Variants in TEX22 observed in about 807,000 individuals in gnomAD.
The protein encoded by TEX22 is testis-expressed protein 22.
In TEX22, 16 loss-of-function variants were observed where a neutral mutation model predicts 11.3. The ratio of observed to expected loss-of-function variants is 1.42; its 90% CI spans 0.96 to 2.15. The LOEUF is 2.15. Ranked by LOEUF, TEX22 falls within the 30% of genes most tolerant of loss-of-function variation. The probability of loss-of-function intolerance (pLI) is 0.00; values close to 1 mark genes in which losing one functional copy is unlikely to be tolerated. For synonymous variants in TEX22, 97 were observed against 92.3 expected (o/e 1.05, Z -0.29); for missense variants, 220 against 208.6 (o/e 1.05, Z -0.34).
chr14:105,402,581 C>CT lies in TEX22; in HGVS notation c.150+3091_150+3092insT, dbSNP rs1348511509. 4.0e-5 allele frequency among the ~76,000 whole-genome samples: 6 copies of CT among 151,016 alleles called. No individual in the cohort carries two copies. The South Asian group carries it at 1.2e-3, about 31-fold the overall frequency. ...CATCCTGGCTAACACGGTGAAACCC[C>CT]GTCTCTACTAAAAAATACAAAAAAA... is the stretch of plus-strand genomic sequence containing the variant. On this transcript the variant is annotated intron_variant, in intron 2 of 3. Coordinates refer to ENST00000451127, the MANE Select transcript of TEX22 (RefSeq NM_001195082.2).
chr14:105,409,850 C>T (rs1486872779), intron 2 of TEX22, among the ~76,000 whole-genome samples: 1 of 150,704 alleles, frequency 6.6e-6, no homozygotes, highest in Non-Finnish European at 1.5e-5. Context: ...AATCACAGTT[C>T]ACTGCAGCCT....
chr14:105,398,910 G>T (rs1332546120), intron 1 of TEX22, among the ~76,000 whole-genome samples: 1 of 152,246 alleles, frequency 6.6e-6, no homozygotes, highest in Admixed American at 6.5e-5. Context: ...TGTGGCAAGA[G>T]CTCTGGGCCT....
chr14:105,410,961 T>C (rs1292375713), intron 2 of TEX22, among the ~76,000 whole-genome samples: 1 of 152,192 alleles, frequency 6.6e-6, no homozygotes, highest in Non-Finnish European at 1.5e-5. Flanking sequence ...CCGAACTCTC[T>C]TTATGATCAT....
intron 2 of TEX22, among the ~76,000 whole-genome samples, chr14:105,399,835 G>C (rs1488111493): frequency 5.3e-5 from 8 of 151,802 alleles, no homozygotes; most frequent in African/African-American, 1.5e-4. Flanking sequence ...GGGAAAGCAA[G>C]GTCCCCAGGG....
At chr14:105,410,855 TG>T (rs1257187780) in intron 2 of TEX22, among the ~76,000 whole-genome samples, 2 of 152,222 alleles carry the variant, frequency 1.3e-5, no homozygotes, top group African/African-American at 4.8e-5. Flanking sequence ...CTTCTCCAGC[TG>T]GTGGTCCCTG....
intron 2 of TEX22, among the ~76,000 whole-genome samples, chr14:105,409,121 G>T (rs968724809): frequency 1.7e-4 from 26 of 151,980 alleles, no homozygotes; most frequent in Admixed American, 3.9e-4. Flanking sequence ...GCCCTGGACT[G>T]CCAGCAACCA....
At chr14:105,399,104 G>T (rs1196097083) in intron 1 of TEX22, among the ~76,000 whole-genome samples, 198 bp from the exon 2 acceptor site, 2 of 152,238 alleles carry the variant, frequency 1.3e-5, no homozygotes, top group African/African-American at 4.8e-5. Flanking sequence ...AGTTCGGGAG[G>T]CTGGTGTGGA....
rs2081707244 is a variant in TEX22 at position 105,413,517 on chromosome 14, G to A, written c.*1684G>A. On this transcript the variant is annotated 3_prime_UTR_variant, in exon 4 of 4. Coordinates refer to ENST00000451127, the MANE Select transcript of TEX22 (RefSeq NM_001195082.2). The surrounding 1 kb of genome is among the most constrained non-coding windows in gnomAD (Gnocchi z 4.2). Reference sequence around the variant, plus strand: ...TGCCAGCTCTCCTGCTCTCGTTTGAGTGTCTCCTGAGGCTGCAGTCAGAGC... The same window carrying A: ...TGCCAGCTCTCCTGCTCTCGTTTGAATGTCTCCTGAGGCTGCAGTCAGAGC... 1 of 152,364 alleles carries A rather than the reference G, an allele frequency of 6.6e-6. No homozygotes were observed. Among genetic ancestry groups the A allele is most frequent in the African/African-American group, 2.4e-5 (1 of 41,446 alleles). 9.4% of individuals were successfully genotyped at this position (152,364 alleles called of 1,614,324 possible). A position where few individuals can be genotyped will look rare whatever the true frequency, so the allele number is the denominator to read the frequency against.
In TEX22 at chr14:105,399,282, C is replaced by A; in HGVS notation, c.-39-20C>A. On this transcript the variant is annotated intron_variant, in intron 1 of 3. Coordinates refer to ENST00000451127, the MANE Select transcript of TEX22 (RefSeq NM_001195082.2). ...TGGCCTTGTGGGCCCCGCCCCACCTCCCCCTGCTCCTACCCCCAGATCTCA... is the reference window on the plus strand; with the variant it reads ...TGGCCTTGTGGGCCCCGCCCCACCTACCCCTGCTCCTACCCCCAGATCTCA... The A allele has an allele frequency of 1.5e-5, 20 of 1,317,564 alleles. No homozygotes were observed. The highest frequency in any genetic ancestry group is 1.7e-5 in the Non-Finnish European group (17 of 971,828). The allele number at this position is 1,317,564 out of a possible 1,614,324, so 81.6% of individuals were successfully genotyped here.
chr14:105,402,481 G>A lies in TEX22; in HGVS notation c.150+2991G>A, dbSNP rs587775561. On this transcript the variant is annotated intron_variant, in intron 2 of 3. Coordinates refer to ENST00000451127, the MANE Select transcript of TEX22 (RefSeq NM_001195082.2). ...GAAATAAACCTGTTATTGGCCGGGTGTGGTGGCTCACGCCTGTAATCCCAG... is the reference window on the plus strand; with the variant it reads ...GAAATAAACCTGTTATTGGCCGGGTATGGTGGCTCACGCCTGTAATCCCAG... 2.9e-4 allele frequency among the ~76,000 whole-genome samples: 44 copies of A among 152,286 alleles called. No homozygotes were observed. The East Asian group carries it at 2.9e-3, about 10-fold the overall frequency.
chr14:105,401,382 G>GA (rs2081625514), intron 2 of TEX22, among the ~76,000 whole-genome samples: 1 of 152,070 alleles, frequency 6.6e-6, no homozygotes, highest in Non-Finnish European at 1.5e-5. Flanking sequence ...CTTTCCTTAA[G>GA]AACAAAAGAA....
In TEX22 at chr14:105,411,895, C is replaced by G. The variant is rs1555419455; in HGVS notation, c.*62C>G. ...TTTCCTTGGGGGCCCACGGTGGGGGCAGCCTCTGCGCCTTCTTTGTGCCCC... is the reference window on the plus strand; with the variant it reads ...TTTCCTTGGGGGCCCACGGTGGGGGGAGCCTCTGCGCCTTCTTTGTGCCCC... On this transcript the variant is annotated 3_prime_UTR_variant, in exon 4 of 4. Transcript: ENST00000451127. 7.3e-7 allele frequency: 1 copy of G among 1,371,084 alleles called. No homozygotes were observed. The highest frequency in any genetic ancestry group is 9.5e-7 in the Non-Finnish European group (1 of 1,056,166). 84.9% of individuals were successfully genotyped at this position (1,371,084 alleles called of 1,614,324 possible).
intron 2 of TEX22, among the ~76,000 whole-genome samples, chr14:105,410,257 A>C (rs1193672212): frequency 2.6e-5 from 4 of 151,964 alleles, no homozygotes; most frequent in South Asian, 4.1e-4. Flanking sequence ...TTGTATTTTT[A>C]GTAGAGATGG....
chr14:105,405,702 G>T (rs1555418842), intron 2 of TEX22, among the ~76,000 whole-genome samples: 2 of 152,152 alleles, frequency 1.3e-5, no homozygotes, highest in Non-Finnish European at 2.9e-5. Context: ...GAGTGAAAGA[G>T]GCAAAAAGGT....
intron 2 of TEX22, among the ~76,000 whole-genome samples, chr14:105,410,842 C>T (rs1212223954): frequency 1.3e-5 from 2 of 152,254 alleles, no homozygotes; most frequent in African/African-American, 4.8e-5. Flanking sequence ...GGCCCTCCCA[C>T]AGCTTCTCCA....
At chr14:105,398,721 C>T (rs1420504910) in intron 1 of TEX22, 86 bp downstream of exon 1, 2 of 152,544 alleles carry the variant, frequency 1.3e-5, no homozygotes, top group African/African-American at 4.8e-5. Flanking sequence ...CCGCCGAACC[C>T]CAGAGTGCCC....
chr14:105,399,505 A>G lies in TEX22; in HGVS notation c.150+15A>G. On this transcript the variant is annotated intron_variant, in intron 2 of 3. Coordinates refer to ENST00000451127, the MANE Select transcript of TEX22 (RefSeq NM_001195082.2). ...CTCAGGACTGGGTAAGCGGAAGGAA[A>G]CCCTGGCCGAGGCTACTCTCCTGTC... The G allele has an allele frequency of 6.6e-7, 1 of 1,519,784 alleles. No homozygotes were observed. The highest frequency in any genetic ancestry group is 8.8e-7 in the Non-Finnish European group (1 of 1,136,756). 94.1% of individuals were successfully genotyped at this position (1,519,784 alleles called of 1,614,324 possible).
chr14:105,399,257 T>G (rs1595215772), intron 1 of TEX22, 45 bp from the exon 2 acceptor site: 3 of 1,194,942 alleles, frequency 2.5e-6, no homozygotes, highest in Non-Finnish European at 3.5e-6. Flanking sequence ...GGCACGTGGG[T>G]GGCCTTGTGG....
At chr14:105,407,306 C>T (rs377044415) in intron 2 of TEX22, among the ~76,000 whole-genome samples, 11 of 152,116 alleles carry the variant, frequency 7.2e-5, no homozygotes, top group African/African-American at 2.7e-4. Context: ...GAGCTCAGGC[C>T]ATTCACCCAC....
Sources: gnomAD v4.1 joint callset for allele counts (sites outside exome capture counted in the v4.1 genomes callset) on GRCh38, gnomAD v4.1.1 for gene constraint, Gnocchi (gnomAD v3.1) non-coding constraint, MANE v1.5 for transcripts, NCBI Gene and HGNC (gene_info 2026-07-23, HGNC 2026-07-21) for gene names.